Variants in OPA1 observed in about 807,000 individuals in gnomAD.
The protein encoded by OPA1 is OPA1 mitochondrial dynamin like GTPase, also known as dynamin-like GTPase OPA1, mitochondrial.
Under a neutral mutation model 152.9 loss-of-function variants are expected in OPA1, and 59 were observed. The ratio of observed to expected loss-of-function variants is 0.39; its 90% CI spans 0.31 to 0.48. The LOEUF is 0.48. Ranked by LOEUF, OPA1 falls within the 20% of genes least tolerant of loss-of-function variation. The pLI is 0.96. For missense variants in OPA1, 1,008 were observed against 1,216.8 expected, an observed-to-expected ratio of 0.83 and a Z score of 2.55; for synonymous variants, 400 against 389.9, an observed-to-expected ratio of 1.03 and a Z score of -0.31.
chr3:193,601,666 G>A (rs956247357), intron 1 of OPA1, among the ~76,000 whole-genome samples: 1 of 152,144 alleles, frequency 6.6e-6, no homozygotes, highest in Non-Finnish European at 1.5e-5. Flanking sequence ...ACTAACATAA[G>A]TAATTCCCAA....
intron 27 of OPA1, 91 bp from the exon 28 acceptor site, chr3:193,666,205 A>G (rs1716502723): frequency 9.5e-7 from 1 of 1,051,718 alleles, no homozygotes; most frequent in Non-Finnish European, 1.5e-6. Context: ...AGCTTAGGAC[A>G]TATCTACTGG....
chr3:193,648,868 A>G lies in OPA1; in HGVS notation c.2009A>G (p.His670Arg). The G allele has an allele frequency of 6.3e-7, 1 of 1,581,754 alleles. No homozygotes were observed. The highest frequency in any genetic ancestry group is 8.7e-7 in the Non-Finnish European group (1 of 1,150,858). ...VISLSQVTPK[H>R]WEEILQQSLW... The stretch of plus-strand genomic sequence containing the variant: ...AGTCTGAGCCAGGTTACACCAAAAC[A>G]TTGGTAAGTATTTGATATTAATCTC... Residue 670 changes from histidine to arginine, a missense_variant, in exon 21 of 31, where the codon CAT (histidine) becomes CGT (arginine). By Grantham distance (29) the His-to-Arg change is conservative. This residue lies in a region of OPA1 where 229 missense variants were observed against 269.0 expected (regional missense o/e 0.85). Coordinates refer to ENST00000361510, the MANE Select transcript of OPA1 (RefSeq NM_130837.3).
chr3:193,627,322 C>G (rs890529111), intron 7 of OPA1: 1 of 152,018 alleles, frequency 6.6e-6, no homozygotes, highest in African/African-American at 2.4e-5. Context: ...CTTCGGTGAG[C>G]AAAAACATAG....
intron 29 of OPA1, among the ~76,000 whole-genome samples, chr3:193,671,489 A>G (rs541776533): frequency 2.6e-5 from 4 of 152,350 alleles, no homozygotes; most frequent in African/African-American, 7.2e-5. Flanking sequence ...GTATGATCCT[A>G]GATTGGATCT....
At chr3:193,626,642 G>A (rs963607628) in intron 7 of OPA1, among the ~76,000 whole-genome samples, 1 of 152,156 alleles carries the variant, frequency 6.6e-6, no homozygotes, top group African/African-American at 2.4e-5. Context: ...AAAGTATATG[G>A]ACAGGGAACA....
chr3:193,622,011 T>C (rs1254218058), intron 6 of OPA1, among the ~76,000 whole-genome samples: 1 of 152,204 alleles, frequency 6.6e-6, no homozygotes, highest in Non-Finnish European at 1.5e-5. Context: ...TTATTTTCTG[T>C]GCTTTTGTTC....
At chr3:193,627,976 T>G (rs1731430178) in intron 7 of OPA1, among the ~76,000 whole-genome samples, 1 of 152,052 alleles carries the variant, frequency 6.6e-6, no homozygotes, top group Non-Finnish European at 1.5e-5. Context: ...TAAAAGCAAT[T>G]TATGCTCTTT....
intron 25 of OPA1, 70 bp downstream of exon 25, chr3:193,659,631 T>C (rs957174252): frequency 8.0e-7 from 1 of 1,257,122 alleles, no homozygotes; most frequent in South Asian, 1.3e-5. Context: ...CATTAAAATA[T>C]AACCTTTTTG....
Position 193,593,310 on chromosome 3 carries a change from G to A in OPA1, c.-68G>A. On this transcript the variant is annotated 5_prime_UTR_variant, in exon 1 of 31. Coordinates refer to ENST00000361510, the MANE Select transcript of OPA1 (RefSeq NM_130837.3). The stretch of plus-strand genomic sequence containing the variant: ...CTGGGTCATTCCTGGACCGGGAGCC[G>A]GGCTGGGGCTCACACGGGGGCTCCC... 1 of 1,498,378 alleles carries A rather than the reference G, an allele frequency of 6.7e-7. No individual in the cohort carries two copies. Among genetic ancestry groups the A allele is most frequent in the Non-Finnish European group, 9.0e-7 (1 of 1,114,974 alleles). The allele number at this position is 1,498,378 out of a possible 1,614,324, so 92.8% of individuals were successfully genotyped here.
chr3:193,618,769 A>G, intron 5 of OPA1, 100 bp from the exon 6 acceptor site: 1 of 958,354 alleles, frequency 1.0e-6, no homozygotes. Flanking sequence ...AGTTGCTCTA[A>G]AAATCCATTC....
intron 2 of OPA1, among the ~76,000 whole-genome samples, 173 bp from the exon 3 acceptor site, chr3:193,615,501 G>A (rs1577157594): frequency 6.6e-6 from 1 of 152,236 alleles, no homozygotes; most frequent in East Asian, 1.9e-4. Flanking sequence ...TAACAGAGGA[G>A]TGTTAACTTG....
chr3:193,677,290 TC>T (rs1352434618), intron 29 of OPA1, among the ~76,000 whole-genome samples: 2 of 139,714 alleles, frequency 1.4e-5, no homozygotes, highest in African/African-American at 5.4e-5. Context: ...TTCTTTTACT[TC>T]TTTTTTTTTT....
At chr3:193,614,578 A>G (rs182655244) in intron 1 of OPA1, 145 bp from the exon 2 acceptor site, 231 of 720,194 alleles carry the variant, frequency 3.2e-4, no homozygotes, top group African/African-American at 1.3e-3. Context: ...CACATAGTCA[A>G]TGGTTAGTAA....
Position 193,626,104 on chromosome 3 carries a change from G to A in OPA1, c.691G>A (p.Glu231Lys). Reference sequence around the variant, plus strand: ...GAACTCGTGGCAGGGTCTGCTTGGTGAGCTCATTCTCTTACAACAACAAAT... The same window carrying A: ...GAACTCGTGGCAGGGTCTGCTTGGTAAGCTCATTCTCTTACAACAACAAAT... ...DKHFRKGLLG[E>K]LILLQQQIQE... Residue 231 changes from glutamate (E) to lysine (K), a missense_variant, in exon 7 of 31, where the codon GAG becomes AAG. This residue lies in a region of OPA1 where 408 missense variants were observed against 395.1 expected (regional missense o/e 1.03). Transcript: ENST00000361510. 5.0e-6 allele frequency: 8 copies of A among 1,613,890 alleles called. No homozygotes were observed. The highest frequency in any genetic ancestry group is 6.8e-6 in the Non-Finnish European group (8 of 1,179,816).
intron 29 of OPA1, among the ~76,000 whole-genome samples, chr3:193,669,362 CTT>C (rs1717413829): frequency 6.6e-6 from 1 of 152,140 alleles, no homozygotes; most frequent in South Asian, 2.1e-4. Context: ...TTTTCTGTCA[CTT>C]TTGGTTTTTC....
At chr3:193,659,619 G>A (rs377498176) in intron 25 of OPA1, 58 bp downstream of exon 25, 2 of 1,384,916 alleles carry the variant, frequency 1.4e-6, no homozygotes. Flanking sequence ...TTTTAATTCA[G>A]GCATTAAAAT....
intron 29 of OPA1, chr3:193,668,189 C>T (rs1021019420): frequency 2.0e-5 from 13 of 652,894 alleles, no homozygotes; most frequent in South Asian, 3.9e-5. Context: ...TTCTCCCTTT[C>T]GATATTTGTC....
At chr3:193,676,381 C>T (rs1184021811) in intron 29 of OPA1, among the ~76,000 whole-genome samples, 2 of 151,968 alleles carry the variant, frequency 1.3e-5, no homozygotes, top group African/African-American at 4.8e-5. Context: ...TATAGTAAGG[C>T]AGTTAACACA....
Position 193,635,507 on chromosome 3 carries a change from T to C in OPA1, c.933T>C (p.His311=). The change falls in exon 9 of 31, where the codon CAT becomes CAC. Residue 311 remains histidine (H), a synonymous_variant. Coordinates refer to ENST00000361510, the MANE Select transcript of OPA1 (RefSeq NM_130837.3). ...LVLQKDDKGI[H]HRKLKKSLID... The stretch of plus-strand genomic sequence containing the variant: ...TGCAGAAAGATGACAAAGGCATTCA[T>C]CATAGAAAGCTTAAGGTATTCTAAG... 6.3e-7 allele frequency: 1 copy of C among 1,596,996 alleles called. No homozygotes were observed. The highest frequency in any genetic ancestry group is 8.6e-7 in the Non-Finnish European group (1 of 1,164,654).
Sources: gnomAD v4.1 joint callset for allele counts (sites outside exome capture counted in the v4.1 genomes callset) on GRCh38, gnomAD v4.1.1 for gene constraint, gnomAD v4.1.1 regional missense constraint, MANE v1.5 for transcripts, NCBI Gene and HGNC (gene_info 2026-07-23, HGNC 2026-07-21) for gene names.